The following ASTN1 variants were observed in gnomAD, a reference collection of about 807,000 sequenced individuals.
ASTN1 encodes astrotactin-1.
A neutral mutation model predicts 140.7 loss-of-function variants in ASTN1; 41 were observed. That is an observed-to-expected ratio of 0.29 (90% confidence interval 0.23 to 0.38). ASTN1 has a LOEUF of 0.38. Ranked by LOEUF, ASTN1 falls within the 10% of genes least tolerant of loss-of-function variation. The pLI is 1.00. For missense variants in ASTN1, 1,479 were observed against 1,678.8 expected (o/e 0.88, Z 2.08); for synonymous variants, 640 against 652.2 (o/e 0.98, Z 0.29).
rs146291736 is a variant in ASTN1 at position 176,868,782 on chromosome 1, C to T, written c.3647+62G>A. ...CTACAACTTCATGGATGCAGTATTACGGCACAAGAGGTACAAAATTTCAAG... is the reference window on the plus strand; with the variant it reads ...CTACAACTTCATGGATGCAGTATTATGGCACAAGAGGTACAAAATTTCAAG... On this transcript the variant is annotated intron_variant, in intron 22 of 22. Coordinates refer to ENST00000361833, the MANE Select transcript of ASTN1 (RefSeq NM_004319.3). The T allele has an allele frequency of 3.6e-4, 531 of 1,484,844 alleles. 1 individual carries two copies. The African/African-American group carries it at 4.5e-3, about 12-fold the overall frequency. 92.0% of individuals were successfully genotyped at this position (1,484,844 alleles called of 1,614,324 possible).
intron 8 of ASTN1, among the ~76,000 whole-genome samples, chr1:176,982,156 A>T (rs1301819780): frequency 6.6e-6 from 1 of 152,190 alleles, no homozygotes; most frequent in East Asian, 1.9e-4. Context: ...TTCCTTCTCC[A>T]GGGGACTGGC....
intron 7 of ASTN1, among the ~76,000 whole-genome samples, chr1:177,018,109 T>C (rs1253406806): frequency 1.3e-5 from 2 of 149,882 alleles, no homozygotes; most frequent in Non-Finnish European, 3.0e-5. Flanking sequence ...GGGTATTATC[T>C]AATTGTTTGA....
At chr1:176,900,291 C>A (rs751918380) in intron 16 of ASTN1, among the ~76,000 whole-genome samples, 1 of 152,138 alleles carries the variant, frequency 6.6e-6, no homozygotes, top group Non-Finnish European at 1.5e-5. Flanking sequence ...CTTATATGTC[C>A]TACAGACACC....
intron 8 of ASTN1, among the ~76,000 whole-genome samples, chr1:176,987,790 A>G (rs1378696170): frequency 1.3e-5 from 2 of 152,220 alleles, no homozygotes; most frequent in Non-Finnish European, 2.9e-5. Context: ...AGATGTTATC[A>G]AATTTTAAAG....
At chr1:176,910,325 T>A (rs945020064) in intron 16 of ASTN1, among the ~76,000 whole-genome samples, 2 of 152,186 alleles carry the variant, frequency 1.3e-5, no homozygotes, top group Admixed American at 1.3e-4. Context: ...TGTGCTTCCG[T>A]CCTCAGTCTC....
intron 16 of ASTN1, among the ~76,000 whole-genome samples, chr1:176,903,397 G>A (rs1188799739): frequency 6.6e-6 from 1 of 152,070 alleles, no homozygotes; most frequent in African/African-American, 2.4e-5. Flanking sequence ...AGAGGAGCCC[G>A]GACCTCGCTG....
At chr1:177,014,900 A>C in intron 7 of ASTN1, 25 bp from the exon 8 acceptor site, 1 of 1,577,632 alleles carries the variant, frequency 6.3e-7, no homozygotes, top group Non-Finnish European at 8.7e-7. Context: ...AAGGAGGAAG[A>C]AAGAGAAACA....
chr1:177,158,784 G>A (rs1008395464), intron 1 of ASTN1, among the ~76,000 whole-genome samples: 17 of 151,554 alleles, frequency 1.1e-4, no homozygotes, highest in African/African-American at 3.4e-4. Context: ...TTGGCTGGGC[G>A]TGGTGGCTCA....
intron 7 of ASTN1, among the ~76,000 whole-genome samples, chr1:177,017,488 G>A (rs1675613278): frequency 6.6e-6 from 1 of 152,226 alleles, no homozygotes; most frequent in African/African-American, 2.4e-5. Context: ...ACTTTAAGAG[G>A]GGTTTCGTGA....
At position 176,863,406 on chromosome 1, in the gene ASTN1, T is replaced by C. The variant is rs543135309; in HGVS notation, c.*878A>G. ...TAAAGATAATCCAGGCACATGGATA[T>C]ATATTGGTAGGCTGGAGAAGTCTAT... On this transcript the variant is annotated 3_prime_UTR_variant, in exon 23 of 23. Transcript: ENST00000361833. The C allele has an allele frequency of 4.3e-5, 42 of 985,660 alleles. No homozygotes were observed. The highest frequency in any genetic ancestry group is 5.1e-5 in the Non-Finnish European group (42 of 829,874). 61.1% of individuals were successfully genotyped at this position (985,660 alleles called of 1,614,324 possible). A position where few individuals can be genotyped will look rare whatever the true frequency, so the allele number is the denominator to read the frequency against.
At chr1:176,887,803 C>T (rs750237433) in intron 18 of ASTN1, among the ~76,000 whole-genome samples, 2 of 152,030 alleles carry the variant, frequency 1.3e-5, no homozygotes, top group Non-Finnish European at 2.9e-5. Context: ...AGCGCCACCT[C>T]CTCCACAGAG....
intron 8 of ASTN1, chr1:176,975,972 A>C (rs1042974103): frequency 6.6e-6 from 1 of 152,196 alleles, no homozygotes; most frequent in Non-Finnish European, 1.5e-5. Flanking sequence ...TGCCATAGAA[A>C]CAGAAATTGC....
chr1:176,955,095 C>T (rs566381612), intron 11 of ASTN1, among the ~76,000 whole-genome samples: 10 of 152,296 alleles, frequency 6.6e-5, no homozygotes, highest in Admixed American at 2.6e-4. Flanking sequence ...TAAGAGTCAG[C>T]GTGTTCTGAG....
intron 16 of ASTN1, among the ~76,000 whole-genome samples, chr1:176,897,081 C>T (rs1669539425): frequency 6.6e-6 from 1 of 152,030 alleles, no homozygotes; most frequent in Non-Finnish European, 1.5e-5. Flanking sequence ...TCGAGACCAG[C>T]CTGGCCAACA....
intron 16 of ASTN1, among the ~76,000 whole-genome samples, chr1:176,907,895 G>C (rs577227587): frequency 1.3e-5 from 2 of 152,120 alleles, no homozygotes; most frequent in Non-Finnish European, 2.9e-5. Flanking sequence ...AAGGTGCTGT[G>C]GTTTTAGGTC....
At chr1:177,160,664 AGG>A (rs1647305006) in intron 1 of ASTN1, among the ~76,000 whole-genome samples, 10 of 152,372 alleles carry the variant, frequency 6.6e-5, no homozygotes, top group African/African-American at 1.9e-4. Flanking sequence ...GCTCCAAAGC[AGG>A]AATGTCTACT....
At chr1:176,979,893 A>T (rs1673532430) in intron 8 of ASTN1, among the ~76,000 whole-genome samples, 2 of 152,200 alleles carry the variant, frequency 1.3e-5, no homozygotes. Context: ...TGCCAAATTG[A>T]GTCTAAACTT....
intron 1 of ASTN1, among the ~76,000 whole-genome samples, chr1:177,068,019 G>A (rs1413908661): frequency 3.3e-5 from 5 of 152,128 alleles, no homozygotes; most frequent in African/African-American, 7.2e-5. Flanking sequence ...CACCCTGCTC[G>A]GCCTGAAGTC....
Position 176,957,792 on chromosome 1 carries a change from C to G in ASTN1, c.1773G>C (p.Leu591=). Residue 591 remains leucine, a synonymous_variant, in exon 11 of 23, where the codon CTG becomes CTC. Coordinates refer to ENST00000361833, the MANE Select transcript of ASTN1 (RefSeq NM_004319.3). ...ELMTSSSFDS[L]EVLLDSFGPV... is the part of the protein sequence containing the mutation. ...GCCCAAAGGAATCTAAGAGAACCTC[C>G]AGGCTGTCGAAGGAGGATGAAGTCA... 6.2e-7 allele frequency: 1 copy of G among 1,614,044 alleles called. No homozygotes were observed. Among genetic ancestry groups the G allele is most frequent in the Non-Finnish European group, 8.5e-7 (1 of 1,179,980 alleles).
Sources: allele counts gnomAD v4.1 joint callset (sites outside exome capture counted in the v4.1 genomes callset), GRCh38; gene constraint gnomAD v4.1.1; transcripts MANE v1.5; gene names NCBI Gene and HGNC (gene_info 2026-07-23, HGNC 2026-07-21).